Variants in MED12 observed in about 807,000 individuals in gnomAD.
The protein encoded by MED12 is mediator complex subunit 12, also known as mediator of RNA polymerase II transcription subunit 12.
MED12 carries 10 observed loss-of-function variants against 177.7 expected under a neutral mutation model. That is an observed-to-expected ratio of 0.06 (90% CI 0.03 to 0.10). The LOEUF is 0.10. Among genes scored for constraint, MED12 ranks in the 10% least tolerant of loss-of-function variants. MED12 has a pLI of 1.00. For synonymous variants in MED12, 641 were observed against 678.4 expected (o/e 0.94, Z 0.86); for missense variants, 867 against 1,780.8 (o/e 0.49, Z 9.23).
intron 1 of MED12, 115 bp from the exon 2 acceptor site, chrX:71,119,258 A>C (rs1348941533): frequency 3.6e-6 from 2 of 554,362 alleles, no homozygotes; most frequent in East Asian, 7.2e-5. Context: ...TCTGTTCTAC[A>C]CGGAACCCTC....
intron 43 of MED12, among the ~76,000 whole-genome samples, chrX:71,141,664 A>G (rs1427751021): frequency 9.0e-6 from 1 of 111,129 alleles, no homozygotes. Context: ...TAAGCCGGGC[A>G]TGGTGGCAGG....
Position 71,138,695 on chromosome X carries a change from G to A in MED12, c.6044+752G>A, listed in dbSNP as rs141813310. Among the ~76,000 whole-genome samples the A allele has an allele frequency of 1.9e-3, 208 of 108,703 alleles. 1 individual carries two copies. The highest frequency in any genetic ancestry group is 6.5e-3 in the African/African-American group (194 of 29,865). 94.4% of individuals were successfully genotyped at this position (108,703 alleles called of 115,157 possible). Reference sequence around the variant, plus strand: ...TTTGAGGCTGCAGTGAGCTGTAATCGCACAATGAGCCGAGATTGTGCCACA... The same window carrying A: ...TTTGAGGCTGCAGTGAGCTGTAATCACACAATGAGCCGAGATTGTGCCACA... On this transcript the variant is annotated intron_variant, in intron 41 of 44. Transcript: ENST00000374080.
Position 71,137,331 on chromosome X carries a change from G to A in MED12, c.5696G>A (p.Arg1899Gln), listed in dbSNP as rs867804014. The change falls in exon 39 of 45, where the codon CGG becomes CAG. Residue 1899 changes from arginine (R) to glutamine (Q), a missense_variant. Arg to Gln is a conservative substitution (Grantham distance 43). This residue lies in a region of MED12 where 236 missense variants were observed against 345.2 expected (regional missense o/e 0.68). Coordinates refer to ENST00000374080, the MANE Select transcript of MED12 (RefSeq NM_005120.3). ...EPSSYKTSVY[R>Q]QQQPAVPQGQ... Reference sequence around the variant, plus strand: ...TCCTCTTATAAGACCTCTGTGTACCGGCAGCAGCAACCTGCGGTGCCCCAA... The same window carrying A: ...TCCTCTTATAAGACCTCTGTGTACCAGCAGCAGCAACCTGCGGTGCCCCAA... 7 of 1,209,704 alleles carry A rather than the reference G, an allele frequency of 5.8e-6. No homozygotes were observed. The highest frequency in any genetic ancestry group is 1.8e-5 in the African/African-American group (1 of 56,994).
At chrX:71,125,747 C>T (rs1200451497) in intron 17 of MED12, 34 bp downstream of exon 17, 5 of 1,122,356 alleles carry the variant, frequency 4.5e-6, no homozygotes, top group Non-Finnish European at 6.1e-6. Context: ...TGCCCTCCCT[C>T]CCTCTCCCTT....
At chrX:71,134,886 G>A (rs748982135) in intron 35 of MED12, 38 bp downstream of exon 35, 1 of 1,208,896 alleles carries the variant, frequency 8.3e-7, no homozygotes, top group South Asian at 1.8e-5. Context: ...TGCGGTTACT[G>A]GAATCTGCTG....
At position 71,142,427 on chromosome X, in the gene MED12, C is replaced by G. The variant is rs1382997028; in HGVS notation, c.*209C>G. 1 of 430,462 alleles carries G rather than the reference C, an allele frequency of 2.3e-6. No individual in the cohort carries two copies. The highest frequency in any genetic ancestry group is 2.5e-5 in the African/African-American group (1 of 40,270). 35.5% of individuals were successfully genotyped at this position (430,462 alleles called of 1,213,427 possible). A position where few individuals can be genotyped will look rare whatever the true frequency, so the allele number is the denominator to read the frequency against. On this transcript the variant is annotated 3_prime_UTR_variant, in exon 45 of 45. Coordinates refer to ENST00000374080, the MANE Select transcript of MED12 (RefSeq NM_005120.3). Reference sequence around the variant, plus strand: ...ATAGAGACCCCAGAGCTGTTGCACCCAATACACAGAGCTTCTTTGCAAAGG... The same window carrying G: ...ATAGAGACCCCAGAGCTGTTGCACCGAATACACAGAGCTTCTTTGCAAAGG...
intron 33 of MED12, among the ~76,000 whole-genome samples, chrX:71,133,700 G>A (rs1166580869): frequency 9.0e-6 from 1 of 110,663 alleles, no homozygotes; most frequent in Non-Finnish European, 1.9e-5. Context: ...AAGGGGGCTG[G>A]ATCACTGTGG....
In MED12 at chrX:71,122,572, G is replaced by A. The variant is rs587778439; in HGVS notation, c.1313G>A (p.Arg438His). Residue 438 changes from arginine (R) to histidine (H), a missense_variant, in exon 9 of 45, where the codon CGC becomes CAC. Around this residue, in one of 14 missense-constraint regions of MED12, gnomAD observed 309 missense variants for 556.3 expected, o/e 0.56. Transcript: ENST00000374080. ...IKERGQAVEVRWSFDKCQEAT... is the reference protein window; with the variant it reads ...IKERGQAVEVHWSFDKCQEAT... Reference sequence around the variant, plus strand: ...GAGCGGGGACAGGCAGTTGAAGTTCGCTGGTCTTTCGATAAATGCCAGGAA... The same window carrying A: ...GAGCGGGGACAGGCAGTTGAAGTTCACTGGTCTTTCGATAAATGCCAGGAA... 2.5e-6 allele frequency: 3 copies of A among 1,211,150 alleles called. No individual in the cohort carries two copies. In the South Asian group the frequency reaches 5.3e-5, roughly 21 times the overall value.
At chrX:71,129,479 G>A (rs751951121) in intron 26 of MED12, 50 bp downstream of exon 26, 2 of 1,009,053 alleles carry the variant, frequency 2.0e-6, no homozygotes, top group South Asian at 3.9e-5. Flanking sequence ...AGGGTGGAGT[G>A]CCAGCTAAAC....
At chrX:71,126,525 T>C (rs1202000945) in intron 19 of MED12, 41 bp downstream of exon 19, 1 of 1,204,950 alleles carries the variant, frequency 8.3e-7, no homozygotes, top group East Asian at 3.0e-5. Flanking sequence ...CAGGAGTTCA[T>C]GCCATATAGC....
chrX:71,123,007 A>G (rs777160489), intron 10 of MED12, 88 bp from the exon 11 acceptor site: 8 of 1,172,111 alleles, frequency 6.8e-6, no homozygotes, highest in Non-Finnish European at 9.3e-6. Context: ...AGGATGTTTT[A>G]TGATAGAGCC....
At position 71,142,213 on chromosome X, in the gene MED12, T is replaced by C. The variant is rs771203240; in HGVS notation, c.6529T>C (p.Tyr2177His). The C allele has an allele frequency of 2.5e-6, 3 of 1,209,196 alleles. No individual in the cohort carries two copies. Among genetic ancestry groups the C allele is most frequent in the Non-Finnish European group, 3.4e-6 (3 of 894,340 alleles). Residue 2177 changes from tyrosine (Y) to histidine (H), a missense_variant, in exon 45 of 45, where the codon TAC (tyrosine) becomes CAC (histidine). This residue lies in a region of MED12 where 236 missense variants were observed against 345.2 expected (regional missense o/e 0.68). Coordinates refer to ENST00000374080, the MANE Select transcript of MED12 (RefSeq NM_005120.3). ...PQPSTNIFGR[Y>H] Reference sequence around the variant, plus strand: ...GCCCAGTACCAACATATTTGGACGCTACTGAGCCACCTGGAGGAACTGCTT... The same window carrying C: ...GCCCAGTACCAACATATTTGGACGCCACTGAGCCACCTGGAGGAACTGCTT...
intron 26 of MED12, 94 bp downstream of exon 26, chrX:71,129,523 G>A (rs2092311569): frequency 1.1e-6 from 1 of 947,318 alleles, no homozygotes; most frequent in South Asian, 2.1e-5. Flanking sequence ...TCTGAAGGTG[G>A]TCTCTCTGAC....
At chrX:71,135,053 G>C in intron 35 of MED12, 39 bp from the exon 36 acceptor site, 1 of 1,208,648 alleles carries the variant, frequency 8.3e-7, no homozygotes, top group African/African-American at 1.7e-5. Flanking sequence ...CCTGTTTTCT[G>C]TATCTCTGAA....
At chrX:71,121,882 A>C (rs1410255115) in intron 7 of MED12, 66 bp downstream of exon 7, 29 of 1,191,798 alleles carry the variant, frequency 2.4e-5, no homozygotes, top group Non-Finnish European at 2.7e-5. Flanking sequence ...TGCCCATCCC[A>C]GAGAATAGGG....
In MED12 at chrX:71,126,085, C is replaced by G; in HGVS notation, c.2472C>G (p.Pro824=). ...KRRRNRPEAF[P]TAEDIFAKFQ... ...GACGCAACCGGCCTGAAGCCTTCCC[C>G]ACTGCTGAAGATATCTTTGCTAAGT... Residue 824 remains proline, a synonymous_variant, in exon 18 of 45, where the codon CCC becomes CCG. Coordinates refer to ENST00000374080, the MANE Select transcript of MED12 (RefSeq NM_005120.3). 1 of 1,211,531 alleles carries G rather than the reference C, an allele frequency of 8.3e-7. No homozygotes were observed. The highest frequency in any genetic ancestry group is 1.1e-6 in the Non-Finnish European group (1 of 895,158).
Position 71,121,682 on chromosome X carries a change from C to A in MED12, c.967C>A (p.Gln323Lys), listed in dbSNP as rs1300065720. The A allele has an allele frequency of 8.3e-7, 1 of 1,209,543 alleles. No individual in the cohort carries two copies. Among genetic ancestry groups the A allele is most frequent in the Non-Finnish European group, 1.1e-6 (1 of 895,135 alleles). The change falls in exon 7 of 45, where the codon CAG (glutamine) becomes AAG (lysine). Residue 323 changes from glutamine to lysine, a missense_variant. This residue lies in a region of MED12 where 309 missense variants were observed against 556.3 expected (regional missense o/e 0.56). Coordinates refer to ENST00000374080, the MANE Select transcript of MED12 (RefSeq NM_005120.3). ...TCACTCATCTCATGTTATATCTGCT[C>A]AGTCAACAAGCACGCTACCCACCAC... ...SSHSSHVISAQSTSTLPTTPA... is the reference protein window; with the variant it reads ...SSHSSHVISAKSTSTLPTTPA...
Position 71,127,091 on chromosome X carries a change from C to T in MED12, c.2808C>T (p.Cys936=), listed in dbSNP as rs1487566379. 1 of 1,211,532 alleles carries T rather than the reference C, an allele frequency of 8.3e-7. No individual in the cohort carries two copies. Among genetic ancestry groups the T allele is most frequent in the East Asian group, 3.0e-5 (1 of 33,873 alleles). ...IVAVLRHYHA[C]LILNQDQMAQ... ...CTGTCCTGCGGCACTATCATGCCTG[C>T]CTCATCCTCAACCAGGACCAGATGG... The change falls in exon 20 of 45, where the codon TGC becomes TGT. Residue 936 remains cysteine, a synonymous_variant. Transcript: ENST00000374080.
rs773929139 is a variant in MED12 at position 71,129,305 on chromosome X, G to T, written c.3578-11G>T. On this transcript the variant is annotated splice_polypyrimidine_tract_variant and intron_variant, in intron 25 of 44. Transcript: ENST00000374080. The stretch of plus-strand genomic sequence containing the variant: ...TACTTTTGCTTCCCCTGACTTCATC[G>T]CCTTCCCCAGACAAGCCTACAGTAG... 4.2e-6 allele frequency: 5 copies of T among 1,191,006 alleles called. No homozygotes were observed. Among genetic ancestry groups the T allele is most frequent in the Non-Finnish European group, 5.7e-6 (5 of 876,753 alleles).
Sources: allele counts gnomAD v4.1 joint callset (sites outside exome capture counted in the v4.1 genomes callset), GRCh38; gene constraint gnomAD v4.1.1; regional missense constraint gnomAD v4.1.1; transcripts MANE v1.5; gene names NCBI Gene and HGNC (gene_info 2026-07-23, HGNC 2026-07-21).